The following STAB2 variants were observed in gnomAD, a reference collection of about 807,000 sequenced individuals.
STAB2 encodes stabilin 2, also known as stabilin-2.
A neutral mutation model predicts 338.1 loss-of-function variants in STAB2; 288 were observed. The observed-to-expected ratio is 0.85, with a 90% CI of 0.77 to 0.94. The LOEUF (loss-of-function observed/expected upper bound fraction) is 0.94, where lower values mean the gene tolerates loss of function less well. Among genes scored for constraint, STAB2 ranks in the 40% least tolerant of loss-of-function variants. The pLI, the probability that STAB2 is intolerant of heterozygous loss-of-function variation, is 0.00. For synonymous variants in STAB2, 1,202 were observed against 1,193.3 expected, an observed-to-expected ratio of 1.01 and a Z score of -0.15; for missense variants, 3,141 against 3,210.1, an observed-to-expected ratio of 0.98 and a Z score of 0.52.
chr12:103,712,893 C>T (rs1397985653), intron 41 of STAB2, among the ~76,000 whole-genome samples: 1 of 152,194 alleles, frequency 6.6e-6, no homozygotes, highest in Non-Finnish European at 1.5e-5. Flanking sequence ...CCTCCAACTA[C>T]CCAGGTGGCC....
At chr12:103,665,847 G>C (rs1875041351) in intron 18 of STAB2, among the ~76,000 whole-genome samples, 1 of 152,222 alleles carries the variant, frequency 6.6e-6, no homozygotes, top group Non-Finnish European at 1.5e-5. Flanking sequence ...CTGAAAGGCA[G>C]AGATTCAGTG....
chr12:103,650,749 G>A (rs940469377), intron 11 of STAB2, among the ~76,000 whole-genome samples, 171 bp downstream of exon 11: 2 of 152,168 alleles, frequency 1.3e-5, no homozygotes, highest in Non-Finnish European at 2.9e-5. Flanking sequence ...CTTACAGAAA[G>A]TATACAAATT....
intron 34 of STAB2, among the ~76,000 whole-genome samples, chr12:103,702,256 C>A (rs993547113): frequency 6.6e-6 from 1 of 151,170 alleles, no homozygotes; most frequent in Non-Finnish European, 1.5e-5. Context: ...TAAACAAGGA[C>A]AGATATAAAT....
intron 5 of STAB2, among the ~76,000 whole-genome samples, chr12:103,630,727 G>A (rs1957447280): frequency 6.6e-6 from 1 of 152,194 alleles, no homozygotes; most frequent in Non-Finnish European, 1.5e-5. Context: ...AGGGTTTCAT[G>A]AGCCCAGGAA....
rs202192637 is a variant in STAB2, at chr12:103,648,828, G to A, written c.1174+5G>A. ...CCTCTTTCATCTCACTCCTAGGTAC[G>A]CAGCTATGGGTACAGATTTCCACAC... On this transcript the variant is annotated splice_donor_5th_base_variant and intron_variant, in intron 10 of 68. Transcript: ENST00000388887. The A allele has an allele frequency of 8.2e-5, 133 of 1,612,996 alleles. No homozygotes were observed. The highest frequency in any genetic ancestry group is 1.4e-4 in the South Asian group (13 of 90,900).
chr12:103,717,640 T>C (rs1424832269), intron 43 of STAB2, 130 bp from the exon 44 acceptor site: 4 of 710,486 alleles, frequency 5.6e-6, no homozygotes, highest in Non-Finnish European at 9.8e-6. Flanking sequence ...AAATAGATAT[T>C]ACCAACGTCA....
chr12:103,587,689 G>A (rs544646434), intron 1 of STAB2, 132 bp downstream of exon 1: 24 of 746,858 alleles, frequency 3.2e-5, no homozygotes, highest in Admixed American at 2.2e-4. Context: ...TGTTTTTGGA[G>A]ACTAAGTCCT....
At position 103,737,718 on chromosome 12, in the gene STAB2, T is replaced by A. The variant is rs368200173; in HGVS notation, c.5635T>A (p.Cys1879Ser). 6 of 1,613,640 alleles carry A rather than the reference T, an allele frequency of 3.7e-6. No individual in the cohort carries two copies. The highest frequency in any genetic ancestry group is 5.1e-6 in the Non-Finnish European group (6 of 1,179,924). ...FDLGVAYGID[C>S]LLIDPTLGGR... is the part of the protein sequence containing the mutation. Reference sequence around the variant, plus strand: ...CCTGGGTGTGGCCTACGGCATTGACTGTCTGCTGATTGATCCCACCCTGGG... The same window carrying A: ...CCTGGGTGTGGCCTACGGCATTGACAGTCTGCTGATTGATCCCACCCTGGG... Residue 1879 changes from cysteine (C) to serine (S), a missense_variant, in exon 53 of 69, where the codon TGT (cysteine) becomes AGT (serine). Physicochemically the swap from Cys to Ser is moderately radical, Grantham distance 112. Transcript: ENST00000388887.
chr12:103,748,941 C>A, intron 58 of STAB2, 22 bp from the exon 59 acceptor site: 1 of 1,603,380 alleles, frequency 6.2e-7, no homozygotes, highest in East Asian at 2.2e-5. Context: ...TAAGTTGAGC[C>A]CTCTCTCCTC....
intron 1 of STAB2, among the ~76,000 whole-genome samples, chr12:103,590,405 T>A (rs1480227503): frequency 6.6e-6 from 1 of 152,238 alleles, no homozygotes; most frequent in Non-Finnish European, 1.5e-5. Flanking sequence ...TCTGAAATAG[T>A]AACTGTATCC....
intron 38 of STAB2, 31 bp from the exon 39 acceptor site, chr12:103,708,410 C>A: frequency 1.2e-5 from 20 of 1,606,142 alleles, no homozygotes; most frequent in Non-Finnish European, 1.6e-5. Flanking sequence ...GGGTTAGAAT[C>A]TGACGATTTG....
intron 3 of STAB2, among the ~76,000 whole-genome samples, chr12:103,613,368 G>A (rs935736070): frequency 6.6e-6 from 1 of 152,174 alleles, no homozygotes; most frequent in Admixed American, 6.5e-5. Context: ...TTGTTTACCT[G>A]CTGAAGCCTC....
intron 3 of STAB2, among the ~76,000 whole-genome samples, chr12:103,618,907 C>A (rs773197073): frequency 6.6e-6 from 1 of 152,148 alleles, no homozygotes; most frequent in South Asian, 2.1e-4. Context: ...ATCATGGGGG[C>A]GGGCCTTTCC....
intron 22 of STAB2, 76 bp downstream of exon 22, chr12:103,670,883 G>C: frequency 8.0e-7 from 1 of 1,246,170 alleles, no homozygotes; most frequent in Non-Finnish European, 1.2e-6. Flanking sequence ...TGCTGGTGCA[G>C]GGCTGGTGTC....
Position 103,638,169 on chromosome 12 carries a change from G to T in STAB2, c.863G>T (p.Cys288Phe). 6.2e-7 allele frequency: 1 copy of T among 1,614,188 alleles called. No individual in the cohort carries two copies. The highest frequency in any genetic ancestry group is 1.3e-5 in the African/African-American group (1 of 75,038). The stretch of plus-strand genomic sequence containing the variant: ...CCCTGCCAAATTAACTTTGGAAACT[G>T]CCCTACAAAGTCTACAGTGTGCAAA... ...VDPCQINFGN[C>F]PTKSTVCKYD... The change falls in exon 8 of 69, where the codon TGC becomes TTC. Residue 288 changes from cysteine (C) to phenylalanine (F), a missense_variant. Coordinates refer to ENST00000388887, the MANE Select transcript of STAB2 (RefSeq NM_017564.10).
chr12:103,675,279 C>T (rs189228602), intron 23 of STAB2, among the ~76,000 whole-genome samples: 8 of 152,086 alleles, frequency 5.3e-5, no homozygotes, highest in Middle Eastern at 3.4e-3. Context: ...AGTGTCATCA[C>T]GGAACATTTT....
chr12:103,732,968 T>TG, intron 50 of STAB2, 38 bp from the exon 51 acceptor site: 2 of 1,603,224 alleles, frequency 1.2e-6, no homozygotes, highest in Admixed American at 3.4e-5. Context: ...GTCTGGGCCT[T>TG]GCTCAAGCCA....
chr12:103,693,546 C>A (rs1490851454), intron 31 of STAB2, among the ~76,000 whole-genome samples: 5 of 152,068 alleles, frequency 3.3e-5, no homozygotes, highest in Non-Finnish European at 7.4e-5. Context: ...GATTACATAT[C>A]ATTTTTCCAC....
intron 3 of STAB2, among the ~76,000 whole-genome samples, chr12:103,617,579 A>C (rs1957229865): frequency 6.6e-6 from 1 of 152,234 alleles, no homozygotes; most frequent in Non-Finnish European, 1.5e-5. Flanking sequence ...TGAACCCAGA[A>C]CATTCTGACT....
Sources: allele counts gnomAD v4.1 joint callset (sites outside exome capture counted in the v4.1 genomes callset), GRCh38; gene constraint gnomAD v4.1.1; transcripts MANE v1.5; gene names NCBI Gene and HGNC (gene_info 2026-07-23, HGNC 2026-07-21).